Variants in CSMD1 observed in about 807,000 individuals in gnomAD.
CSMD1 encodes CUB and sushi domain-containing protein 1.
Under a neutral mutation model 417.5 loss-of-function variants are expected in CSMD1, and 213 were observed. The ratio of observed to expected loss-of-function variants is 0.51; its 90% CI spans 0.46 to 0.57. The LOEUF (loss-of-function observed/expected upper bound fraction) is 0.57. Ranked by LOEUF, CSMD1 falls within the 20% of genes least tolerant of loss-of-function variation. CSMD1 has a pLI of 0.00. For synonymous variants in CSMD1, 2,862 were observed against 1,736.8 expected (o/e 1.65, Z -16.11); for missense variants, 6,923 against 4,529.7 (o/e 1.53, Z -15.17).
chr8:4,451,355 A>G (rs1209683404), intron 2 of CSMD1, among the ~76,000 whole-genome samples: 1 of 152,148 alleles, frequency 6.6e-6, no homozygotes, highest in East Asian at 1.9e-4. Context: ...GACTCAAAAT[A>G]ATAAGGCAAT....
chr8:4,340,121 C>G (rs542461618), intron 3 of CSMD1, among the ~76,000 whole-genome samples: 3 of 152,064 alleles, frequency 2.0e-5, no homozygotes, highest in Admixed American at 1.3e-4. Flanking sequence ...TTTTGTTAAT[C>G]TCTCCTCTTT....
intron 5 of CSMD1, among the ~76,000 whole-genome samples, chr8:3,951,352 G>A (rs150846446): frequency 1.3e-5 from 2 of 152,260 alleles, no homozygotes; most frequent in East Asian, 3.9e-4. Context: ...GAACGGAGCA[G>A]GAATTCAAGA....
At chr8:4,926,658 T>C (rs780051912) in intron 1 of CSMD1, among the ~76,000 whole-genome samples, 5 of 152,234 alleles carry the variant, frequency 3.3e-5, no homozygotes, top group South Asian at 2.1e-4. Flanking sequence ...CAAAAAAATA[T>C]GACCAGTATT....
At chr8:3,231,457 C>T (rs1269678766) in intron 26 of CSMD1, among the ~76,000 whole-genome samples, 1 of 152,014 alleles carries the variant, frequency 6.6e-6, no homozygotes, top group Non-Finnish European at 1.5e-5. Context: ...AATGAGTAGG[C>T]TTTGCGTTTT....
At chr8:4,815,694 C>CAAAAAA (rs1218931391) in intron 1 of CSMD1, among the ~76,000 whole-genome samples, 26 of 67,562 alleles carry the variant, frequency 3.8e-4, no homozygotes, top group African/African-American at 8.5e-4. Flanking sequence ...AAAGCTGTCT[C>CAAAAAA]AAAAAAAAAA....
At chr8:3,284,394 C>G (rs1802985900) in intron 25 of CSMD1, 48 bp from the exon 26 acceptor site, 1 of 1,428,736 alleles carries the variant, frequency 7.0e-7, no homozygotes, top group Non-Finnish European at 9.8e-7. Flanking sequence ...TCGAGCATGT[C>G]CTGACCCCAT....
chr8:4,053,790 C>A (rs1206571638), intron 3 of CSMD1, among the ~76,000 whole-genome samples: 1 of 152,052 alleles, frequency 6.6e-6, no homozygotes, highest in Admixed American at 6.6e-5. Flanking sequence ...GAGAATAAAC[C>A]AGTATGTTTA....
At chr8:4,704,173 T>C (rs1056061183) in intron 1 of CSMD1, among the ~76,000 whole-genome samples, 1 of 152,222 alleles carries the variant, frequency 6.6e-6, no homozygotes, top group Non-Finnish European at 1.5e-5. Flanking sequence ...CCAGTCTCTA[T>C]TAACACGTAA....
chr8:4,714,201 C>G (rs1383881076), intron 1 of CSMD1, among the ~76,000 whole-genome samples: 7 of 152,094 alleles, frequency 4.6e-5, no homozygotes, highest in Non-Finnish European at 1.0e-4. Flanking sequence ...AGCTCCACGT[C>G]CACCGTGTTG....
rs918260993 is a variant in CSMD1, at chr8:4,312,447, A to G, written c.415+107506T>C. Among the ~76,000 whole-genome samples the G allele has an allele frequency of 1.2e-4, 17 of 139,486 alleles. 2 individuals are homozygous for G. The highest frequency in any genetic ancestry group is 5.2e-4 in the African/African-American group (17 of 32,986). The allele number at this position is 139,486 out of a possible 152,430, so 91.5% of individuals were successfully genotyped here. ...CGCGTATATATATATGCGTATATAT[A>G]TACGTATATATATGCGCGTATATAT... is the stretch of plus-strand genomic sequence containing the variant. On this transcript the variant is annotated intron_variant, in intron 3 of 69. Coordinates refer to ENST00000635120, the MANE Select transcript of CSMD1 (RefSeq NM_033225.6).
intron 2 of CSMD1, among the ~76,000 whole-genome samples, chr8:4,453,461 G>A (rs1039520731): frequency 6.6e-6 from 1 of 152,178 alleles, no homozygotes; most frequent in Non-Finnish European, 1.5e-5. Context: ...CAGCAAGAAC[G>A]GTGATGCGAA....
rs139990953 is a variant in CSMD1 at position 4,047,726 on chromosome 8, A to G, written c.416-15627T>C. Among the ~76,000 whole-genome samples the G allele has an allele frequency of 8.5e-3, 1,290 of 152,296 alleles. 11 individuals are homozygous for G. Among genetic ancestry groups the G allele is most frequent in the African/African-American group, 0.017 (709 of 41,566 alleles). On this transcript the variant is annotated intron_variant, in intron 3 of 69. Coordinates refer to ENST00000635120, the MANE Select transcript of CSMD1 (RefSeq NM_033225.6). ...AATAGCTCAGTGGATTTTAAATGCT[A>G]TGGAGAAAAATAAATCAAGAGAAAA...
intron 32 of CSMD1, among the ~76,000 whole-genome samples, chr8:3,200,504 G>A (rs1358237076): frequency 1.3e-5 from 2 of 151,810 alleles, no homozygotes; most frequent in African/African-American, 2.4e-5. Flanking sequence ...GCAGTGAGCC[G>A]AGATGGTGCC....
chr8:4,015,549 A>T (rs1467013614), intron 4 of CSMD1, among the ~76,000 whole-genome samples: 2 of 152,108 alleles, frequency 1.3e-5, no homozygotes, highest in African/African-American at 4.8e-5. Flanking sequence ...ATGTTTTATT[A>T]AAGGTATCAG....
At chr8:3,327,969 ATC>A (rs568117853) in intron 23 of CSMD1, among the ~76,000 whole-genome samples, 29 of 152,134 alleles carry the variant, frequency 1.9e-4, no homozygotes, top group Middle Eastern at 3.4e-3. Context: ...CCCAGAATGC[ATC>A]TCTGTGTATA....
At chr8:4,307,383 T>C (rs1309571363) in intron 3 of CSMD1, among the ~76,000 whole-genome samples, 1 of 152,130 alleles carries the variant, frequency 6.6e-6, no homozygotes, top group African/African-American at 2.4e-5. Context: ...CAGCTTGGCC[T>C]CCTGCACTCT....
chr8:2,963,846 G>A (rs1803712300), intron 59 of CSMD1, among the ~76,000 whole-genome samples: 2 of 152,170 alleles, frequency 1.3e-5, no homozygotes, highest in South Asian at 4.1e-4. Context: ...GACACAGTCG[G>A]TCCATCTATT....
chr8:3,359,097 C>G, intron 21 of CSMD1, 55 bp downstream of exon 21: 1 of 1,576,078 alleles, frequency 6.3e-7, no homozygotes, highest in Non-Finnish European at 8.7e-7. Flanking sequence ...GGCTTCTTGC[C>G]TGGGCTAGAC....
chr8:4,543,513 A>G (rs565540947), intron 2 of CSMD1, among the ~76,000 whole-genome samples: 1 of 152,160 alleles, frequency 6.6e-6, no homozygotes, highest in East Asian at 1.9e-4. Context: ...ATCTGTATGG[A>G]CCACAGTTTA....
Sources: gnomAD v4.1 joint callset for allele counts (sites outside exome capture counted in the v4.1 genomes callset) on GRCh38, gnomAD v4.1.1 for gene constraint, MANE v1.5 for transcripts, NCBI Gene and HGNC (gene_info 2026-07-23, HGNC 2026-07-21) for gene names.